ADGRV1: variants seen among roughly 807,000 people sequenced by gnomAD.
ADGRV1 encodes the protein G-protein coupled receptor 98.
In ADGRV1, 359 loss-of-function variants were observed where a neutral mutation model predicts 596.2. The ratio of observed to expected loss-of-function variants is 0.60; its 90% CI spans 0.55 to 0.66. The LOEUF (loss-of-function observed/expected upper bound fraction) is 0.66, where lower values mean the gene tolerates loss of function less well. Ranked by LOEUF, ADGRV1 falls within the 30% of genes least tolerant of loss-of-function variation. ADGRV1 has a pLI of 0.00. For synonymous variants in ADGRV1, 2,681 were observed against 2,679.2 expected (o/e 1.00, Z -0.02); for missense variants, 7,274 against 7,575.6 (o/e 0.96, Z 1.48).
intron 82 of ADGRV1, among the ~76,000 whole-genome samples, chr5:90,858,449 T>C (rs150982748): frequency 2.6e-5 from 4 of 152,306 alleles, no homozygotes; most frequent in Non-Finnish European, 5.9e-5. Flanking sequence ...AGTTTGACTC[T>C]GAATACAAGT....
At chr5:90,845,182 T>C (rs1765757587) in intron 78 of ADGRV1, among the ~76,000 whole-genome samples, 1 of 139,808 alleles carries the variant, frequency 7.2e-6, no homozygotes, top group East Asian at 1.9e-4. Context: ...CTAGGCTTCG[T>C]GGTCACCAAC....
intron 83 of ADGRV1, among the ~76,000 whole-genome samples, chr5:90,948,515 G>C (rs574830533): frequency 6.6e-6 from 1 of 152,014 alleles, no homozygotes; most frequent in Non-Finnish European, 1.5e-5. Context: ...TAAACACATG[G>C]TATCCTATGA....
chr5:91,163,879 C>A lies in ADGRV1; in HGVS notation c.18900C>A (p.Pro6300=). The A allele has an allele frequency of 6.4e-7, 1 of 1,574,796 alleles. No individual in the cohort carries two copies. Residue 6300 remains proline (P), a synonymous_variant, in exon 90 of 90, where the codon CCC becomes CCA. Transcript: ENST00000405460. The part of the protein sequence containing the change: ...DSQIVELRRI[P]IADTHL Reference sequence around the variant, plus strand: ...AGATCGTGGAGCTCAGGAGGATACCCATCGCCGACACTCACCTGTAGCACC... The same window carrying A: ...AGATCGTGGAGCTCAGGAGGATACCAATCGCCGACACTCACCTGTAGCACC...
At chr5:90,559,028 G>A in intron 1 of ADGRV1, 111 bp downstream of exon 1, 1 of 975,492 alleles carries the variant, frequency 1.0e-6, no homozygotes, top group Non-Finnish European at 1.4e-6. Context: ...CGGAGGGCGG[G>A]CCACAGCCGG....
rs774872563 is a variant in ADGRV1 at position 90,674,216 on chromosome 5, G to A, written c.5092G>A (p.Ala1698Thr). 37 of 1,607,496 alleles carry A rather than the reference G, an allele frequency of 2.3e-5. No individual in the cohort carries two copies. The highest frequency in any genetic ancestry group is 3.1e-5 in the Non-Finnish European group (37 of 1,177,146). ...EKETTDITIKASDHPYGLLQF... is the reference protein window; with the variant it reads ...EKETTDITIKTSDHPYGLLQF... ...GGAAACGACTGATATCACCATCAAA[G>A]CTAGTGATCATCCATATGGTAACCT... is the stretch of plus-strand genomic sequence containing the variant. Residue 1698 changes from alanine (A) to threonine (T), a missense_variant, in exon 23 of 90, where the codon GCT becomes ACT. Physicochemically the swap from Ala to Thr is moderately conservative, Grantham distance 58. Transcript: ENST00000405460.
chr5:90,949,262 T>C (rs769105663), intron 83 of ADGRV1, among the ~76,000 whole-genome samples: 2 of 152,122 alleles, frequency 1.3e-5, no homozygotes, highest in Non-Finnish European at 2.9e-5. Flanking sequence ...AAAAGTTCTA[T>C]ACCATGATCT....
chr5:90,943,809 A>G (rs1302238394), intron 83 of ADGRV1, among the ~76,000 whole-genome samples: 1 of 152,050 alleles, frequency 6.6e-6, no homozygotes, highest in Non-Finnish European at 1.5e-5. Flanking sequence ...GGGTCTCTTC[A>G]CATGGCCTTC....
chr5:91,055,133 C>T (rs1245482609), intron 85 of ADGRV1, among the ~76,000 whole-genome samples: 1 of 152,130 alleles, frequency 6.6e-6, no homozygotes, highest in Non-Finnish European at 1.5e-5. Flanking sequence ...ACATTTAACT[C>T]ACTGCTATAA....
intron 87 of ADGRV1, among the ~76,000 whole-genome samples, chr5:91,145,161 A>T (rs144727033): frequency 6.6e-6 from 1 of 152,334 alleles, no homozygotes; most frequent in East Asian, 1.9e-4. Flanking sequence ...CATCTAAAAG[A>T]TTCACAATAT....
At chr5:90,648,458 C>T (rs1320550851) in intron 17 of ADGRV1, among the ~76,000 whole-genome samples, 1 of 152,128 alleles carries the variant, frequency 6.6e-6, no homozygotes, top group Non-Finnish European at 1.5e-5. Flanking sequence ...TCCTATCACC[C>T]TAAATACATT....
rs1417659585 is a variant in ADGRV1 at position 91,055,530 on chromosome 5, T to G, written c.18153-16917T>G. On this transcript the variant is annotated intron_variant, in intron 85 of 89. Coordinates refer to ENST00000405460, the MANE Select transcript of ADGRV1 (RefSeq NM_032119.4). Reference sequence around the variant, plus strand: ...ATAGATTTTATTTATATTTTACAAATAAGGCTAATGAGGCTCAGACAGGTA... The same window carrying G: ...ATAGATTTTATTTATATTTTACAAAGAAGGCTAATGAGGCTCAGACAGGTA... 3.3e-5 allele frequency among the ~76,000 whole-genome samples: 5 copies of G among 152,310 alleles called. No individual in the cohort carries two copies. The East Asian group carries it at 5.8e-4, about 18-fold the overall frequency.
intron 85 of ADGRV1, among the ~76,000 whole-genome samples, chr5:91,059,942 TA>T (rs1443300990): frequency 7.9e-5 from 12 of 152,026 alleles, no homozygotes; most frequent in Admixed American, 7.9e-4. Flanking sequence ...AATATGAGCA[TA>T]TTTAGGGTTT....
intron 85 of ADGRV1, among the ~76,000 whole-genome samples, chr5:91,013,386 C>T (rs1370866173): frequency 1.3e-5 from 2 of 152,048 alleles, no homozygotes; most frequent in African/African-American, 4.8e-5. Flanking sequence ...TATTTTTTGC[C>T]TTTTTAATAA....
At chr5:91,134,983 A>G (rs1794510246) in intron 87 of ADGRV1, among the ~76,000 whole-genome samples, 1 of 152,120 alleles carries the variant, frequency 6.6e-6, no homozygotes, top group Non-Finnish European at 1.5e-5. Context: ...GGAGTTTGAG[A>G]CTAGCCTGGC....
chr5:90,884,032 C>G lies in ADGRV1; in HGVS notation c.17856+20175C>G, dbSNP rs1770046060. Among the ~76,000 whole-genome samples, 4 of 152,276 alleles carry G rather than the reference C, an allele frequency of 2.6e-5. No individual in the cohort carries two copies. In the South Asian group the frequency reaches 8.3e-4, roughly 32 times the overall value. ...CAAGTTAGGAATCACATTCATAGAA[C>G]TAAATTACTATCATGCACATTAACA... On this transcript the variant is annotated intron_variant, in intron 83 of 89. Coordinates refer to ENST00000405460, the MANE Select transcript of ADGRV1 (RefSeq NM_032119.4).
chr5:90,720,274 AT>A, intron 44 of ADGRV1, 51 bp downstream of exon 44: 2 of 1,159,406 alleles, frequency 1.7e-6, no homozygotes, highest in Non-Finnish European at 2.4e-6. Context: ...TAAGTAGGGA[AT>A]ATTTTTTGAC....
intron 5 of ADGRV1, among the ~76,000 whole-genome samples, chr5:90,624,359 A>G (rs967234003): frequency 3.9e-5 from 6 of 152,218 alleles, no homozygotes; most frequent in Non-Finnish European, 8.8e-5. Context: ...TAGAAAGGAT[A>G]AATCATCCAG....
intron 4 of ADGRV1, among the ~76,000 whole-genome samples, chr5:90,621,227 C>T (rs1318836894): frequency 2.0e-5 from 3 of 152,150 alleles, no homozygotes; most frequent in Non-Finnish European, 2.9e-5. Context: ...CGTTGCAATA[C>T]TTCCCAGCTT....
At chr5:90,644,572 G>C (rs776831168) in intron 14 of ADGRV1, 134 bp from the exon 15 acceptor site, 4 of 676,286 alleles carry the variant, frequency 5.9e-6, no homozygotes, top group Non-Finnish European at 7.6e-6. Flanking sequence ...CTTAAAAACT[G>C]TGCTAAGCAA....
Sources: allele counts gnomAD v4.1 joint callset (sites outside exome capture counted in the v4.1 genomes callset), GRCh38; gene constraint gnomAD v4.1.1; transcripts MANE v1.5; gene names NCBI Gene and HGNC (gene_info 2026-07-23, HGNC 2026-07-21).